The following HUNK variants were observed in gnomAD, a reference collection of about 807,000 sequenced individuals.
HUNK encodes the protein hormonally up-regulated Neu-associated kinase.
A neutral mutation model predicts 61.0 loss-of-function variants in HUNK; 21 were observed. The ratio of observed to expected loss-of-function variants is 0.34; its 90% confidence interval spans 0.24 to 0.50. The LOEUF is 0.50. Among genes scored for constraint, HUNK ranks in the 20% least tolerant of loss-of-function variants. HUNK has a pLI of 0.98. For synonymous variants in HUNK, 371 were observed against 386.1 expected (o/e 0.96, Z 0.46); for missense variants, 772 against 945.7 (o/e 0.82, Z 2.41).
chr21:31,912,480 G>A (rs1046064594), intron 1 of HUNK, among the ~76,000 whole-genome samples: 1 of 152,116 alleles, frequency 6.6e-6, no homozygotes, highest in Admixed American at 6.6e-5. Flanking sequence ...TGCCTCGGTC[G>A]GGGGAGGAGA....
chr21:31,958,710 G>C, intron 4 of HUNK, 133 bp from the exon 5 acceptor site: 1 of 787,736 alleles, frequency 1.3e-6, no homozygotes, highest in Non-Finnish European at 2.0e-6. Flanking sequence ...ATTCTACAAA[G>C]ATGACTTTGA....
At chr21:31,923,191 G>T (rs957081403) in intron 1 of HUNK, among the ~76,000 whole-genome samples, 1 of 152,116 alleles carries the variant, frequency 6.6e-6, no homozygotes, top group Non-Finnish European at 1.5e-5. Context: ...CGCCTTTGAC[G>T]CCGGTGCTTT....
At chr21:31,933,627 A>G (rs1221589348) in intron 2 of HUNK, among the ~76,000 whole-genome samples, 1 of 152,062 alleles carries the variant, frequency 6.6e-6, no homozygotes, top group Non-Finnish European at 1.5e-5. Flanking sequence ...TCTACTAAAA[A>G]CACAAAAATT....
intron 1 of HUNK, among the ~76,000 whole-genome samples, chr21:31,884,597 A>AC (rs1295668857): frequency 6.8e-6 from 1 of 148,142 alleles, no homozygotes; most frequent in Non-Finnish European, 1.5e-5. Context: ...TGTCTCAAAA[A>AC]AAAAATAAAT....
intron 8 of HUNK, among the ~76,000 whole-genome samples, chr21:31,984,444 G>A (rs1377011285): frequency 6.6e-6 from 1 of 152,180 alleles, no homozygotes; most frequent in Non-Finnish European, 1.5e-5. Flanking sequence ...AGAGCTGAGT[G>A]TAACACGTGG....
At chr21:31,957,240 A>C (rs578036475) in intron 4 of HUNK, among the ~76,000 whole-genome samples, 2 of 152,320 alleles carry the variant, frequency 1.3e-5, no homozygotes, top group South Asian at 4.1e-4. Context: ...CCAAGAGGGC[A>C]GGTCTTTCTC....
intron 4 of HUNK, among the ~76,000 whole-genome samples, chr21:31,954,247 T>C (rs2052872463): frequency 6.6e-6 from 1 of 152,208 alleles, no homozygotes; most frequent in Non-Finnish European, 1.5e-5. Context: ...GACAGGAAGC[T>C]AGGTGTGCCG....
chr21:31,986,226 A>T (rs1004484155), intron 8 of HUNK, among the ~76,000 whole-genome samples: 1 of 150,390 alleles, frequency 6.6e-6, no homozygotes, highest in Admixed American at 6.6e-5. Flanking sequence ...CCTCCACCAC[A>T]GTAGCAGCCC....
At chr21:31,966,434 G>A (rs2052966754) in intron 5 of HUNK, among the ~76,000 whole-genome samples, 1 of 152,052 alleles carries the variant, frequency 6.6e-6, no homozygotes, top group Admixed American at 6.6e-5. Context: ...TTTTCCTTTG[G>A]GTAGATACCC....
intron 1 of HUNK, among the ~76,000 whole-genome samples, chr21:31,904,924 A>G (rs1204059865): frequency 6.6e-6 from 1 of 152,032 alleles, no homozygotes; most frequent in East Asian, 1.9e-4. Flanking sequence ...GTCTGTACTA[A>G]AAATAGTAGC....
At chr21:31,916,296 C>T (rs1382349290) in intron 1 of HUNK, among the ~76,000 whole-genome samples, 2 of 151,866 alleles carry the variant, frequency 1.3e-5, no homozygotes, top group South Asian at 2.1e-4. Flanking sequence ...GTTATCCGCC[C>T]GCCTCGGCCT....
At chr21:31,897,895 T>A (rs564194722) in intron 1 of HUNK, among the ~76,000 whole-genome samples, 4 of 152,264 alleles carry the variant, frequency 2.6e-5, no homozygotes, top group South Asian at 2.1e-4. Flanking sequence ...ATGTTCTATC[T>A]TTCCGAGATG....
Position 32,000,248 on chromosome 21 carries a change from T to A in HUNK, c.*1064T>A. 2.5e-6 allele frequency: 1 copy of A among 399,154 alleles called. No individual in the cohort carries two copies. The highest frequency in any genetic ancestry group is 4.4e-6 in the Non-Finnish European group (1 of 226,110). 24.7% of individuals were successfully genotyped at this position (399,154 alleles called of 1,614,324 possible). A position where few individuals can be genotyped will look rare whatever the true frequency, so the allele number is the denominator to read the frequency against. On this transcript the variant is annotated 3_prime_UTR_variant, in exon 11 of 11. Coordinates refer to ENST00000270112, the MANE Select transcript of HUNK (RefSeq NM_014586.2). ...AAGCTGCCCACAGAACTGGTGCGGCTCAGAGCTCGGCGAGTTTGCTGGGAG... is the reference window on the plus strand; with the variant it reads ...AAGCTGCCCACAGAACTGGTGCGGCACAGAGCTCGGCGAGTTTGCTGGGAG...
At position 31,960,863 on chromosome 21, in the gene HUNK, T is replaced by C. The variant is rs999766947; in HGVS notation, c.874+1893T>C. Among the ~76,000 whole-genome samples, 3 of 152,168 alleles carry C rather than the reference T, an allele frequency of 2.0e-5. No homozygotes were observed. The East Asian group carries it at 5.8e-4, about 29-fold the overall frequency. On this transcript the variant is annotated intron_variant, in intron 5 of 10. Transcript: ENST00000270112. ...AACCATATCACCCAGTTTCCCCCAA[T>C]AGTAATATATTGTATAACTGTGGTA...
At chr21:31,887,257 C>T (rs908137466) in intron 1 of HUNK, among the ~76,000 whole-genome samples, 3 of 152,094 alleles carry the variant, frequency 2.0e-5, no homozygotes, top group African/African-American at 7.2e-5. Flanking sequence ...GTTAACGGAC[C>T]CTCTCTCTTT....
At chr21:31,996,620 A>G (rs2053207866) in intron 10 of HUNK, among the ~76,000 whole-genome samples, 1 of 152,238 alleles carries the variant, frequency 6.6e-6, no homozygotes, top group African/African-American at 2.4e-5. Context: ...AAGAGGGGAC[A>G]CAGGAGCTGA....
At chr21:31,947,185 G>A (rs1409062943) in intron 4 of HUNK, among the ~76,000 whole-genome samples, 1 of 150,352 alleles carries the variant, frequency 6.7e-6, no homozygotes, top group African/African-American at 2.5e-5. Context: ...CAAGCCAGTG[G>A]CGCCTGCGCA....
intron 2 of HUNK, among the ~76,000 whole-genome samples, chr21:31,938,271 C>G (rs2211786): frequency 0.23 from 34,676 of 152,160 alleles, 7,102 homozygotes; most frequent in African/African-American, 0.55. Flanking sequence ...CCCCGCACCA[C>G]TTCTCTGCCC....
rs971452737 is a variant in HUNK at position 31,958,958 on chromosome 21, C to G, written c.862C>G (p.Gln288Glu). The G allele has an allele frequency of 1.9e-6, 3 of 1,605,582 alleles. No individual in the cohort carries two copies. The East Asian group carries it at 6.7e-5, about 36-fold the overall frequency. Residue 288 changes from glutamine (Q) to glutamate (E), a missense_variant, in exon 5 of 11, where the codon CAG becomes GAG. Gln to Glu is a conservative substitution (Grantham distance 29). Around this residue, in one of 2 missense-constraint regions of HUNK, gnomAD observed 359 missense variants for 501.3 expected, o/e 0.72. Coordinates refer to ENST00000270112, the MANE Select transcript of HUNK (RefSeq NM_014586.2). ...VDKEMNPLPT[Q>E]LSTGAISFLR... Reference sequence around the variant, plus strand: ...CAAAGAAATGAACCCCCTCCCCACTCAGCTCTCCACAGGTAATGCACCAGC... The same window carrying G: ...CAAAGAAATGAACCCCCTCCCCACTGAGCTCTCCACAGGTAATGCACCAGC...
Sources: allele counts gnomAD v4.1 joint callset (sites outside exome capture counted in the v4.1 genomes callset), GRCh38; gene constraint gnomAD v4.1.1; regional missense constraint gnomAD v4.1.1; transcripts MANE v1.5; gene names NCBI Gene and HGNC (gene_info 2026-07-23, HGNC 2026-07-21).